Variants in GNAI3 observed in about 807,000 individuals in gnomAD.
GNAI3 encodes G protein subunit alpha i3.
In GNAI3, 12 loss-of-function variants were observed where a neutral mutation model predicts 41.8. The observed-to-expected ratio is 0.29, with a 90% confidence interval of 0.18 to 0.47. GNAI3 has a LOEUF of 0.47. Among genes scored for constraint, GNAI3 ranks in the 20% least tolerant of loss-of-function variants. The probability of loss-of-function intolerance (pLI) is 1.00; values close to 1 mark genes in which losing one functional copy is unlikely to be tolerated. For missense variants in GNAI3, 360 were observed against 429.6 expected (o/e 0.84, Z 1.43); for synonymous variants, 132 against 146.5 (o/e 0.90, Z 0.71).
At chr1:109,592,317 T>G (rs1423698721) in intron 8 of GNAI3, 28 bp from the exon 9 acceptor site, 1 of 863,972 alleles carries the variant, frequency 1.2e-6, no homozygotes, top group Non-Finnish European at 1.8e-6. Context: ...TTAAACTTTT[T>G]CTAATTAAGA....
chr1:109,564,225 T>G (rs1221702936), intron 1 of GNAI3, among the ~76,000 whole-genome samples: 2 of 152,158 alleles, frequency 1.3e-5, no homozygotes, highest in Admixed American at 1.3e-4. Context: ...CTCTTTTTTG[T>G]CTGTTTCTGC....
intron 1 of GNAI3, among the ~76,000 whole-genome samples, chr1:109,566,965 A>G (rs1036924062): frequency 2.6e-5 from 4 of 152,270 alleles, no homozygotes; most frequent in Non-Finnish European, 4.4e-5. Context: ...TATTGGAAAT[A>G]GAATGGACTT....
At chr1:109,561,325 A>G (rs1648301983) in intron 1 of GNAI3, among the ~76,000 whole-genome samples, 1 of 152,230 alleles carries the variant, frequency 6.6e-6, no homozygotes, top group African/African-American at 2.4e-5. Flanking sequence ...AGTTGCAGAT[A>G]GTACAGAGTC....
chr1:109,598,394 C>T lies in GNAI3; in HGVS notation c.*6072C>T, dbSNP rs1473987246. On this transcript the variant is annotated 3_prime_UTR_variant, in exon 9 of 9. Transcript: ENST00000369851. ...TGTGTATTCTTTCAGTCTTAAATCA[C>T]TCATCTGTTATCTAAAGATGGACTA... 4 of 152,770 alleles carry T rather than the reference C, an allele frequency of 2.6e-5. No homozygotes were observed. The highest frequency in any genetic ancestry group is 9.7e-5 in the African/African-American group (4 of 41,444). The allele number at this position is 152,770 out of a possible 1,614,324, so 9.5% of individuals were successfully genotyped here.
chr1:109,570,183 G>C (rs1648555052), intron 1 of GNAI3, among the ~76,000 whole-genome samples: 1 of 152,068 alleles, frequency 6.6e-6, no homozygotes, highest in South Asian at 2.1e-4. Context: ...TAACTATTTA[G>C]TACTACCCCT....
Position 109,597,475 on chromosome 1 carries a change from T to G in GNAI3, c.*5153T>G, listed in dbSNP as rs1359723463. ...AGTCTGTTTTTTTTTTGTTTTTTTT[T>G]AAAGTCAACACAAATATTGAAAATA... On this transcript the variant is annotated 3_prime_UTR_variant, in exon 9 of 9. Transcript: ENST00000369851. The G allele has an allele frequency of 6.6e-6, 1 of 151,946 alleles. No homozygotes were observed. The highest frequency in any genetic ancestry group is 2.4e-5 in the African/African-American group (1 of 41,384). 9.4% of individuals were successfully genotyped at this position (151,946 alleles called of 1,614,324 possible). A position where few individuals can be genotyped will look rare whatever the true frequency, so the allele number is the denominator to read the frequency against.
At chr1:109,584,522 A>G (rs1211205552) in intron 5 of GNAI3, among the ~76,000 whole-genome samples, 8 of 152,244 alleles carry the variant, frequency 5.3e-5, no homozygotes, top group Non-Finnish European at 1.5e-5. Context: ...GCCATGATCA[A>G]TAGCCAGATC....
Position 109,586,870 on chromosome 1 carries a change from C to T in GNAI3, c.862C>T (p.Pro288Ser). Reference sequence around the variant, plus strand: ...GAGGAGTCCGTTAACTATCTGTTATCCAGAATACACAGGTAAGGGGTTATG... The same window carrying T: ...GAGGAGTCCGTTAACTATCTGTTATTCAGAATACACAGGTAAGGGGTTATG... ...IKRSPLTICY[P>S]EYTGSNTYEE... Residue 288 changes from proline to serine, a missense_variant, in exon 7 of 9, where the codon CCA becomes TCA. Coordinates refer to ENST00000369851, the MANE Select transcript of GNAI3 (RefSeq NM_006496.4). 1 of 1,597,262 alleles carries T rather than the reference C, an allele frequency of 6.3e-7. No homozygotes were observed. Among genetic ancestry groups the T allele is most frequent in the Non-Finnish European group, 8.6e-7 (1 of 1,165,450 alleles).
chr1:109,597,995 A>C lies in GNAI3; in HGVS notation c.*5673A>C, dbSNP rs1649356232. 2 of 152,214 alleles carry C rather than the reference A, an allele frequency of 1.3e-5. No individual in the cohort carries two copies. Among genetic ancestry groups the C allele is most frequent in the South Asian group, 4.1e-4 (2 of 4,826 alleles). 9.4% of individuals were successfully genotyped at this position (152,214 alleles called of 1,614,324 possible). ...GTGAGAATCACAAGGTACCAGAAAT[A>C]ATCAAATAATAAATATTAATACACT... is the stretch of plus-strand genomic sequence containing the variant. On this transcript the variant is annotated 3_prime_UTR_variant, in exon 9 of 9. Coordinates refer to ENST00000369851, the MANE Select transcript of GNAI3 (RefSeq NM_006496.4).
chr1:109,578,405 G>T (rs1229993051), intron 3 of GNAI3, among the ~76,000 whole-genome samples: 1 of 146,928 alleles, frequency 6.8e-6, no homozygotes, highest in African/African-American at 2.5e-5. Flanking sequence ...AGGAGGCGGA[G>T]GTTACAAGGA....
chr1:109,562,455 C>G (rs1343469702), intron 1 of GNAI3, among the ~76,000 whole-genome samples: 1 of 152,228 alleles, frequency 6.6e-6, no homozygotes, highest in East Asian at 1.9e-4. Flanking sequence ...TTTAGGGGAA[C>G]TCATCCAGAG....
Position 109,558,382 on chromosome 1 carries a change from G to C in GNAI3, c.118+9544G>C, listed in dbSNP as rs1259345212. ...ACGTTGCAGTCAGCTGAGGTGGAAT[G>C]ACTGCACTCTAGCCTGGGCGACAGA... On this transcript the variant is annotated intron_variant, in intron 1 of 8. Transcript: ENST00000369851. 2.6e-5 allele frequency among the ~76,000 whole-genome samples: 4 copies of C among 152,206 alleles called. No homozygotes were observed. In the South Asian group the frequency reaches 8.3e-4, roughly 32 times the overall value.
At chr1:109,572,325 T>C (rs1380053851) in intron 1 of GNAI3, among the ~76,000 whole-genome samples, 1 of 151,948 alleles carries the variant, frequency 6.6e-6, no homozygotes, top group Non-Finnish European at 1.5e-5. Flanking sequence ...ATAATAATAA[T>C]AATAATTCAG....
Position 109,573,734 on chromosome 1 carries a change from C to G in GNAI3, c.119-3C>G. ...TTCAAAGTCTGGTTTTCTTTTCTTA[C>G]AGGTGCTGGAGAATCTGGTAAAAGC... On this transcript the variant is annotated splice_region_variant and splice_polypyrimidine_tract_variant and intron_variant, in intron 1 of 8. Coordinates refer to ENST00000369851, the MANE Select transcript of GNAI3 (RefSeq NM_006496.4). 1 of 1,604,924 alleles carries G rather than the reference C, an allele frequency of 6.2e-7. No individual in the cohort carries two copies. Among genetic ancestry groups the G allele is most frequent in the Middle Eastern group, 1.7e-4 (1 of 6,026 alleles).
chr1:109,583,833 C>T (rs970309218), intron 5 of GNAI3, among the ~76,000 whole-genome samples: 8 of 151,638 alleles, frequency 5.3e-5, no homozygotes, highest in African/African-American at 1.2e-4. Flanking sequence ...CCTGGTGATC[C>T]GCCCACCTTG....
At chr1:109,586,450 T>C (rs931570497) in intron 6 of GNAI3, 105 bp downstream of exon 6, 148 of 1,143,102 alleles carry the variant, frequency 1.3e-4, no homozygotes, top group Non-Finnish European at 1.8e-4. Context: ...AACCAAAACT[T>C]AGTATCTTTA....
rs532935820 is a variant in GNAI3, at chr1:109,581,662, C to T, written c.462-775C>T. 1.4e-3 allele frequency among the ~76,000 whole-genome samples: 217 copies of T among 152,128 alleles called. 1 individual carries two copies. The highest frequency in any genetic ancestry group is 5.0e-3 in the African/African-American group (207 of 41,510). On this transcript the variant is annotated intron_variant, in intron 4 of 8. Coordinates refer to ENST00000369851, the MANE Select transcript of GNAI3 (RefSeq NM_006496.4). ...CAGCACTTTGGGAGGCCGAGACAGA[C>T]GAATCACCTGAGGTCAGGAGTTTGA...
intron 3 of GNAI3, 101 bp from the exon 4 acceptor site, chr1:109,579,103 C>T (rs972736136): frequency 1.1e-6 from 1 of 948,424 alleles, no homozygotes; most frequent in Non-Finnish European, 1.6e-6. Flanking sequence ...AACAACACCT[C>T]TTTTAACATA....
chr1:109,578,134 C>G (rs1331306081), intron 3 of GNAI3, among the ~76,000 whole-genome samples: 1 of 152,014 alleles, frequency 6.6e-6, no homozygotes, highest in Non-Finnish European at 1.5e-5. Context: ...TTTCTGTCCT[C>G]TCCCTCACAT....
Sources: gnomAD v4.1 joint callset for allele counts (sites outside exome capture counted in the v4.1 genomes callset) on GRCh38, gnomAD v4.1.1 for gene constraint, MANE v1.5 for transcripts, NCBI Gene and HGNC (gene_info 2026-07-23, HGNC 2026-07-21) for gene names.